The following RBM25 variants were observed in gnomAD, a reference collection of about 807,000 sequenced individuals.
RBM25 encodes the protein RNA-binding protein 25.
Under a neutral mutation model 120.7 loss-of-function variants are expected in RBM25, and 19 were observed. That is an observed-to-expected ratio of 0.16 (90% CI 0.11 to 0.23). The LOEUF (loss-of-function observed/expected upper bound fraction) is 0.23. RBM25 is among the 10% of genes least tolerant of loss of function. RBM25 has a pLI of 1.00. For missense variants in RBM25, 605 were observed against 1,041.5 expected, an observed-to-expected ratio of 0.58 and a Z score of 5.77; for synonymous variants, 390 against 326.7, an observed-to-expected ratio of 1.19 and a Z score of -2.09.
At chr14:73,072,851 G>C (rs921503153) in intron 2 of RBM25, among the ~76,000 whole-genome samples, 6 of 152,108 alleles carry the variant, frequency 3.9e-5, no homozygotes, top group African/African-American at 1.4e-4. Flanking sequence ...CTTATGATGG[G>C]TTGTTAATTC....
intron 7 of RBM25, among the ~76,000 whole-genome samples, chr14:73,097,443 C>T (rs2032976050): frequency 6.6e-6 from 1 of 151,978 alleles, no homozygotes; most frequent in African/African-American, 2.4e-5. Flanking sequence ...TCGTGGTCGA[C>T]CCGCCTCGGC....
chr14:73,100,460 T>C, intron 9 of RBM25: 1 of 501,222 alleles, frequency 2.0e-6, no homozygotes, highest in East Asian at 3.1e-5. Flanking sequence ...TTATGCATAG[T>C]AAATCCCACT....
chr14:73,113,627 G>C (rs1896362400), intron 17 of RBM25, among the ~76,000 whole-genome samples: 1 of 151,896 alleles, frequency 6.6e-6, no homozygotes, highest in Admixed American at 6.5e-5. Flanking sequence ...GGAGGCGGAG[G>C]TTGAAGTGAG....
At chr14:73,114,387 T>G (rs1006028204) in intron 18 of RBM25, 54 bp downstream of exon 18, 7 of 1,354,756 alleles carry the variant, frequency 5.2e-6, no homozygotes, top group African/African-American at 1.5e-5. Context: ...AAGTTTTTGG[T>G]TTTTTTTGTC....
rs574264617 is a variant in RBM25 at position 73,068,373 on chromosome 14, A to G, written c.-15-3254A>G. The G allele has an allele frequency of 1.9e-5, 13 of 674,846 alleles. No individual in the cohort carries two copies. The South Asian group carries it at 2.0e-4, about 10-fold the overall frequency. The allele number at this position is 674,846 out of a possible 1,614,324, so 41.8% of individuals were successfully genotyped here. Reference sequence around the variant, plus strand: ...AGTGAGCAGCATTTAATGGAGAGACAATGCTTGTATTTGATTTTTTTTTTT... The same window carrying G: ...AGTGAGCAGCATTTAATGGAGAGACGATGCTTGTATTTGATTTTTTTTTTT... On this transcript the variant is annotated intron_variant, in intron 1 of 18. Coordinates refer to ENST00000261973, the MANE Select transcript of RBM25 (RefSeq NM_021239.3).
chr14:73,067,228 C>G (rs1379706510), intron 1 of RBM25, among the ~76,000 whole-genome samples: 1 of 151,896 alleles, frequency 6.6e-6, no homozygotes, highest in Non-Finnish European at 1.5e-5. Flanking sequence ...TGCCATCACA[C>G]CCAGCTAATC....
At chr14:73,111,235 T>A (rs562790718) in intron 15 of RBM25, 80 bp downstream of exon 15, 3 of 1,204,440 alleles carry the variant, frequency 2.5e-6, no homozygotes, top group South Asian at 1.6e-5. Context: ...AAGAAAAAAA[T>A]TTATATTTGT....
chr14:73,074,566 C>G (rs1291062369), intron 2 of RBM25, among the ~76,000 whole-genome samples: 1 of 152,038 alleles, frequency 6.6e-6, no homozygotes, highest in African/African-American at 2.4e-5. Flanking sequence ...AAGAAAGACC[C>G]TGTCTTGTGG....
intron 1 of RBM25, among the ~76,000 whole-genome samples, chr14:73,060,571 T>A (rs2075528966): frequency 6.6e-6 from 1 of 151,540 alleles, no homozygotes; most frequent in African/African-American, 2.4e-5. Flanking sequence ...TAGAGATCTC[T>A]TGATTGACTT....
chr14:73,087,905 T>C, intron 5 of RBM25, 96 bp from the exon 6 acceptor site: 1 of 1,236,690 alleles, frequency 8.1e-7, no homozygotes, highest in Non-Finnish European at 1.1e-6. Context: ...GGTCTTTGTA[T>C]TAAAACATTT....
intron 4 of RBM25, among the ~76,000 whole-genome samples, chr14:73,077,985 C>G (rs952125903): frequency 6.6e-6 from 1 of 151,826 alleles, no homozygotes; most frequent in African/African-American, 2.4e-5. Context: ...GGCAACATAT[C>G]GAGACACATC....
At chr14:73,073,659 GC>G (rs1895345950) in intron 2 of RBM25, among the ~76,000 whole-genome samples, 1 of 152,120 alleles carries the variant, frequency 6.6e-6, no homozygotes, top group South Asian at 2.1e-4. Context: ...CTGCACTCCA[GC>G]CTGGGCAACA....
At chr14:73,110,070 C>T (rs932233096) in intron 14 of RBM25, among the ~76,000 whole-genome samples, 1 of 150,954 alleles carries the variant, frequency 6.6e-6, no homozygotes, top group Non-Finnish European at 1.5e-5. Context: ...TTTTTAGTGG[C>T]GACGGGGTTT....
At chr14:73,103,948 T>TCTCA (rs1594928335) in intron 10 of RBM25, among the ~76,000 whole-genome samples, 124 of 91,416 alleles carry the variant, frequency 1.4e-3, no homozygotes, top group Non-Finnish European at 2.3e-3. Context: ...TCTCTCTCTC[T>TCTCA]CACACACACA....
chr14:73,106,923 C>T (rs1050516066), intron 12 of RBM25, among the ~76,000 whole-genome samples: 2 of 150,502 alleles, frequency 1.3e-5, no homozygotes, highest in African/African-American at 4.9e-5. Context: ...ACCTTCTCCT[C>T]CCAGGTTCAA....
At chr14:73,068,758 T>C (rs1037884953) in intron 1 of RBM25, 4 of 287,988 alleles carry the variant, frequency 1.4e-5, no homozygotes, top group Non-Finnish European at 1.4e-5. Flanking sequence ...GTATTTTTAG[T>C]AGAGATGGGG....
intron 1 of RBM25, among the ~76,000 whole-genome samples, chr14:73,070,367 C>CT (rs769564771): frequency 3.3e-5 from 5 of 152,166 alleles, no homozygotes; most frequent in Non-Finnish European, 4.4e-5. Flanking sequence ...TGTTCTTAAA[C>CT]TTTAAAAAAT....
intron 13 of RBM25, among the ~76,000 whole-genome samples, chr14:73,108,946 TGAG>T (rs1896247529): frequency 6.6e-6 from 1 of 152,194 alleles, no homozygotes; most frequent in South Asian, 2.1e-4. Context: ...GTGAATAAAT[TGAG>T]GATACAGAAC....
chr14:73,079,923 A>G (rs1200554361), intron 4 of RBM25, among the ~76,000 whole-genome samples: 2 of 150,620 alleles, frequency 1.3e-5, no homozygotes, highest in African/African-American at 2.4e-5. Flanking sequence ...TGAGGTCTGC[A>G]GAGAACTAGC....
Sources: allele counts gnomAD v4.1 joint callset (sites outside exome capture counted in the v4.1 genomes callset), GRCh38; gene constraint gnomAD v4.1.1; transcripts MANE v1.5; gene names NCBI Gene and HGNC (gene_info 2026-07-23, HGNC 2026-07-21).